The following ANKRD33B variants were observed in gnomAD, a reference collection of about 807,000 sequenced individuals.
ANKRD33B encodes ankyrin repeat domain 33B, also known as ankyrin repeat domain-containing protein 33B.
Under a neutral mutation model 21.5 loss-of-function variants are expected in ANKRD33B, and 6 were observed. The ratio of observed to expected loss-of-function variants is 0.28; its 90% confidence interval spans 0.15 to 0.55. ANKRD33B has a LOEUF of 0.55. ANKRD33B is among the 20% of genes least tolerant of loss of function. The pLI is 0.94. For missense variants in ANKRD33B, 698 were observed against 747.2 expected, an observed-to-expected ratio of 0.93 and a Z score of 0.77; for synonymous variants, 347 against 342.4, an observed-to-expected ratio of 1.01 and a Z score of -0.15.
chr5:10,573,821 C>T (rs1397481937), intron 1 of ANKRD33B, among the ~76,000 whole-genome samples: 1 of 152,232 alleles, frequency 6.6e-6, no homozygotes, highest in Non-Finnish European at 1.5e-5. Flanking sequence ...CCAGGCCCCT[C>T]CTCTGACATG....
chr5:10,585,181 G>T (rs1343691051), intron 1 of ANKRD33B, among the ~76,000 whole-genome samples: 2 of 152,210 alleles, frequency 1.3e-5, no homozygotes, highest in Non-Finnish European at 2.9e-5. Context: ...TGCTGGCGTC[G>T]TGTTGAAGTT....
intron 1 of ANKRD33B, among the ~76,000 whole-genome samples, chr5:10,602,164 G>A (rs781692780): frequency 6.6e-6 from 1 of 152,222 alleles, no homozygotes; most frequent in African/African-American, 2.4e-5. Flanking sequence ...TCGGTGCCTG[G>A]GTGTAGAGAT....
rs1325135058 is a variant in ANKRD33B at position 10,576,767 on chromosome 5, AAGAAGAGTAGTTAAGAAAAT to A, written c.366+11937_366+11956del. ...GGAAGCAAATTGAATGTTTAACCAA[AAGAAGAGTAGTTAAGAAAAT>A]AGCACATCCACATGGTGAGGCCTCT... is the stretch of plus-strand genomic sequence containing the variant. On this transcript the variant is annotated intron_variant, in intron 1 of 3. Coordinates refer to ENST00000296657, the MANE Select transcript of ANKRD33B (RefSeq NM_001164440.2). The surrounding 1 kb of genome is among the most constrained non-coding windows in gnomAD (Gnocchi z 4.1). Among the ~76,000 whole-genome samples, 3 of 152,224 alleles carry A rather than the reference AAGAAGAGTAGTTAAGAAAAT, an allele frequency of 2.0e-5. No individual in the cohort carries two copies. The highest frequency in any genetic ancestry group is 4.4e-5 in the Non-Finnish European group (3 of 68,032).
rs368838142 is a variant in ANKRD33B at position 10,640,012 on chromosome 5, A to C, written c.637+1844A>C. Among the ~76,000 whole-genome samples the C allele has an allele frequency of 3.5e-4, 28 of 79,684 alleles. No individual in the cohort carries two copies. In the South Asian group the frequency reaches 0.01, roughly 29 times the overall value. 52.3% of individuals were successfully genotyped at this position (79,684 alleles called of 152,430 possible). ...GCGGCGATGTTAGCGGGTGACGTGG[A>C]GTTGCGCGGCGATGTTAGCGGGTGA... On this transcript the variant is annotated intron_variant, in intron 3 of 3. Coordinates refer to ENST00000296657, the MANE Select transcript of ANKRD33B (RefSeq NM_001164440.2).
At chr5:10,649,165 G>A (rs1737259092) in intron 3 of ANKRD33B, 101 bp from the exon 4 acceptor site, 1 of 1,436,972 alleles carries the variant, frequency 7.0e-7, no homozygotes, top group Non-Finnish European at 9.1e-7. Flanking sequence ...GGGGCCAGGG[G>A]TGGGGGGTGG....
At chr5:10,589,120 C>G (rs892121290) in intron 1 of ANKRD33B, among the ~76,000 whole-genome samples, 81 of 152,120 alleles carry the variant, frequency 5.3e-4, no homozygotes, top group African/African-American at 1.9e-3. Flanking sequence ...CCCCCGAGTT[C>G]CTGTGCTGAG....
intron 1 of ANKRD33B, among the ~76,000 whole-genome samples, chr5:10,570,157 A>G (rs991836968): frequency 1.3e-5 from 2 of 152,180 alleles, no homozygotes; most frequent in East Asian, 3.9e-4. Flanking sequence ...GATTACAGGC[A>G]TGAGCCACTG....
rs552249413 is a variant in ANKRD33B at position 10,587,004 on chromosome 5, T to A, written c.366+22171T>A. On this transcript the variant is annotated intron_variant, in intron 1 of 3. Transcript: ENST00000296657. ...TGTTTCCAATTTTAGTGATTTTATT[T>A]ATTATTTATTTATTTATTTATTTAT... Among the ~76,000 whole-genome samples, 45 of 147,008 alleles carry A rather than the reference T, an allele frequency of 3.1e-4. 1 individual carries two copies. The highest frequency in any genetic ancestry group is 8.4e-4 in the South Asian group (4 of 4,758).
At chr5:10,584,842 A>C (rs1195602038) in intron 1 of ANKRD33B, among the ~76,000 whole-genome samples, 1 of 152,198 alleles carries the variant, frequency 6.6e-6, no homozygotes, top group Non-Finnish European at 1.5e-5. Context: ...TAAGGTAGGC[A>C]GGGAAAGGGT....
intron 1 of ANKRD33B, among the ~76,000 whole-genome samples, chr5:10,595,568 A>G (rs1260341961): frequency 6.6e-6 from 1 of 152,170 alleles, no homozygotes; most frequent in Admixed American, 6.6e-5. Context: ...TAGGATGTGG[A>G]CATGTCTTTT....
At chr5:10,570,199 A>G (rs182619444) in intron 1 of ANKRD33B, among the ~76,000 whole-genome samples, 24 of 152,208 alleles carry the variant, frequency 1.6e-4, no homozygotes, top group Admixed American at 1.2e-3. Flanking sequence ...TGATATAAGA[A>G]TGTCAGTCAT....
intron 3 of ANKRD33B, among the ~76,000 whole-genome samples, chr5:10,641,812 A>C (rs1488889560): frequency 6.8e-6 from 1 of 147,944 alleles, no homozygotes; most frequent in African/African-American, 2.5e-5. Context: ...AAAAAAAAAA[A>C]CATAATTAAA....
Position 10,651,068 on chromosome 5 carries a change from T to A in ANKRD33B, c.*955T>A, listed in dbSNP as rs941128265. On this transcript the variant is annotated 3_prime_UTR_variant, in exon 4 of 4. Coordinates refer to ENST00000296657, the MANE Select transcript of ANKRD33B (RefSeq NM_001164440.2). ...AAATGTCAAAAAGATGCAACAAGAGTCAGGAGCCCAGAATGACGCAAATTA... is the reference window on the plus strand; with the variant it reads ...AAATGTCAAAAAGATGCAACAAGAGACAGGAGCCCAGAATGACGCAAATTA... 4 of 151,760 alleles carry A rather than the reference T, an allele frequency of 2.6e-5. No individual in the cohort carries two copies. The highest frequency in any genetic ancestry group is 2.6e-4 in the Admixed American group (4 of 15,222). The allele number at this position is 151,760 out of a possible 1,614,324, so 9.4% of individuals were successfully genotyped here. A position where few individuals can be genotyped will look rare whatever the true frequency, so the allele number is the denominator to read the frequency against.
intron 3 of ANKRD33B, among the ~76,000 whole-genome samples, chr5:10,644,752 T>C (rs1222691340): frequency 6.6e-6 from 1 of 152,234 alleles, no homozygotes; most frequent in Non-Finnish European, 1.5e-5. Context: ...CCATGTAGAA[T>C]TGTTTGAAGT....
intron 1 of ANKRD33B, among the ~76,000 whole-genome samples, chr5:10,568,548 T>C (rs997963510): frequency 1.3e-5 from 2 of 152,088 alleles, no homozygotes; most frequent in Admixed American, 1.3e-4. Context: ...TTCGTGTTTG[T>C]TTTTGAGACT....
At chr5:10,583,832 T>C (rs1735498036) in intron 1 of ANKRD33B, among the ~76,000 whole-genome samples, 1 of 152,248 alleles carries the variant, frequency 6.6e-6, no homozygotes, top group African/African-American at 2.4e-5. Context: ...TAAATGCTTC[T>C]CTCTTTGTGA....
At chr5:10,594,924 A>G (rs1373733647) in intron 1 of ANKRD33B, among the ~76,000 whole-genome samples, 1 of 151,976 alleles carries the variant, frequency 6.6e-6, no homozygotes, top group Non-Finnish European at 1.5e-5. Context: ...CTGCAAATAG[A>G]GTTGAAGGAG....
chr5:10,622,641 A>C (rs1260090317), intron 2 of ANKRD33B, among the ~76,000 whole-genome samples: 2 of 152,140 alleles, frequency 1.3e-5, no homozygotes, highest in Non-Finnish European at 2.9e-5. Flanking sequence ...GCAATAAACC[A>C]ATTTCATTTT....
chr5:10,646,073 G>A (rs1161600920), intron 3 of ANKRD33B, among the ~76,000 whole-genome samples: 1 of 152,188 alleles, frequency 6.6e-6, no homozygotes, highest in Non-Finnish European at 1.5e-5. Context: ...AGAAGTCCTG[G>A]GTTAGACTGA....
Sources: gnomAD v4.1 joint callset for allele counts (sites outside exome capture counted in the v4.1 genomes callset) on GRCh38, gnomAD v4.1.1 for gene constraint, Gnocchi (gnomAD v3.1) non-coding constraint, MANE v1.5 for transcripts, NCBI Gene and HGNC (gene_info 2026-07-23, HGNC 2026-07-21) for gene names.